CR1: variants seen among roughly 807,000 people sequenced by gnomAD.
The protein encoded by CR1 is complement receptor type 1.
A neutral mutation model predicts 187.3 loss-of-function variants in CR1; 116 were observed. That is an observed-to-expected ratio of 0.62 (90% CI 0.53 to 0.72). The LOEUF (loss-of-function observed/expected upper bound fraction) is 0.72. Ranked by LOEUF, CR1 falls within the 30% of genes least tolerant of loss-of-function variation. The pLI is 0.00. For missense variants in CR1, 1,731 were observed against 2,110.7 expected (o/e 0.82, Z 3.52); for synonymous variants, 576 against 747.1 (o/e 0.77, Z 3.73).
At position 207,498,877 on chromosome 1, in the gene CR1, C is replaced by A. The variant is rs369498391; in HGVS notation, c.121+2489C>A. Among the ~76,000 whole-genome samples the A allele has an allele frequency of 3.4e-3, 169 of 50,044 alleles. 1 individual carries two copies. The South Asian group carries it at 0.034, about 10-fold the overall frequency. 32.8% of individuals were successfully genotyped at this position (50,044 alleles called of 152,430 possible). On this transcript the variant is annotated intron_variant, in intron 1 of 46. Transcript: ENST00000367049. Reference sequence around the variant, plus strand: ...TGGGTGACAGAGCGCAACTCCAAATCAAAAAAAAAAAAAAAAGAAACAAAC... The same window carrying A: ...TGGGTGACAGAGCGCAACTCCAAATAAAAAAAAAAAAAAAAAGAAACAAAC...
intron 5 of CR1, among the ~76,000 whole-genome samples, chr1:207,526,267 C>A (rs1660167658): frequency 6.6e-6 from 1 of 151,920 alleles, no homozygotes; most frequent in African/African-American, 2.4e-5. Flanking sequence ...AGGAGATGAG[C>A]ATAGATGTAT....
chr1:207,580,665 T>C, intron 31 of CR1, 52 bp downstream of exon 31: 3 of 1,503,540 alleles, frequency 2.0e-6, no homozygotes, highest in Non-Finnish European at 2.8e-6. Flanking sequence ...AGAGTGACTC[T>C]TGAGCTTAAG....
rs199540863 is a variant in CR1 at position 207,580,326 on chromosome 1, A to G, written c.5023A>G (p.Ser1675Gly). The change falls in exon 30 of 47, where the codon AGC becomes GGC. Residue 1675 changes from serine (S) to glycine (G), a missense_variant. Transcript: ENST00000367049. ...NFSPGQEVFY[S>G]CEPGYDLRGA... ...TTCACCTGGGCAGGAAGTGTTCTAC[A>G]GCTGTGAGCCTGGCTATGACCTCAG... 16 of 1,613,910 alleles carry G rather than the reference A, an allele frequency of 9.9e-6. No individual in the cohort carries two copies. Among genetic ancestry groups the G allele is most frequent in the Non-Finnish European group, 1.4e-5 (16 of 1,179,870 alleles).
At chr1:207,605,302 AAAATTGCTAGAAGAGTAGATTTT>A (rs1156587911) in intron 35 of CR1, among the ~76,000 whole-genome samples, 1 of 151,266 alleles carries the variant, frequency 6.6e-6, no homozygotes, top group African/African-American at 2.4e-5. Context: ...AAAGGGAAAA[AAAATTGCTAGAAGAGTAGATTTT>A]AAATATTCTC....
At chr1:207,503,504 C>T (rs1461321440) in intron 1 of CR1, among the ~76,000 whole-genome samples, 1 of 152,132 alleles carries the variant, frequency 6.6e-6, no homozygotes, top group African/African-American at 2.4e-5. Flanking sequence ...TTTCCAGCTT[C>T]CAGGGGCTGC....
intron 29 of CR1, among the ~76,000 whole-genome samples, chr1:207,579,519 T>C (rs1238741602): frequency 6.6e-6 from 1 of 152,168 alleles, no homozygotes; most frequent in African/African-American, 2.4e-5. Flanking sequence ...TGAAAGCAAT[T>C]GCTAGCTGCC....
intron 1 of CR1, among the ~76,000 whole-genome samples, chr1:207,499,711 G>A (rs1659207101): frequency 6.6e-6 from 1 of 152,194 alleles, no homozygotes. Context: ...TCCTCATATA[G>A]GATCTGGTTT....
chr1:207,585,030 T>A (rs1661072024), intron 33 of CR1, among the ~76,000 whole-genome samples, 154 bp downstream of exon 33: 1 of 152,076 alleles, frequency 6.6e-6, no homozygotes, highest in Non-Finnish European at 1.5e-5. Flanking sequence ...AACAGATGGG[T>A]TTCAGCAGCG....
At chr1:207,582,277 C>T (rs1660981031) in intron 32 of CR1, among the ~76,000 whole-genome samples, 1 of 152,108 alleles carries the variant, frequency 6.6e-6, no homozygotes, top group East Asian at 1.9e-4. Flanking sequence ...AGATGCTAGG[C>T]TAAATTTTTC....
chr1:207,636,188 CA>C (rs1171627233), intron 46 of CR1, among the ~76,000 whole-genome samples: 1 of 152,026 alleles, frequency 6.6e-6, no homozygotes, highest in East Asian at 1.9e-4. Context: ...AACAGGCACA[CA>C]AGGATTAATA....
intron 35 of CR1, among the ~76,000 whole-genome samples, chr1:207,602,254 A>G (rs1301346069): frequency 6.6e-6 from 1 of 152,186 alleles, no homozygotes; most frequent in African/African-American, 2.4e-5. Context: ...CCAAGTATTA[A>G]TATTATTTAA....
At chr1:207,582,080 A>G (rs371276314) in intron 32 of CR1, 77 bp downstream of exon 32, 72 of 1,054,160 alleles carry the variant, frequency 6.8e-5, no homozygotes, top group Non-Finnish European at 9.6e-5. Context: ...GGGATTATCT[A>G]TTGTTTGTCC....
intron 23 of CR1, 110 bp from the exon 24 acceptor site, chr1:207,565,728 T>G: frequency 6.9e-7 from 1 of 1,442,784 alleles, no homozygotes; most frequent in Non-Finnish European, 9.7e-7. Flanking sequence ...CTCTGCCATC[T>G]GCTGGCCTCA....
chr1:207,538,102 A>G lies in CR1; in HGVS notation c.1752-1879A>G, dbSNP rs1179881580. Among the ~76,000 whole-genome samples the G allele has an allele frequency of 2.6e-4, 5 of 18,874 alleles. 2 individuals are homozygous for G. Among genetic ancestry groups the G allele is most frequent in the African/African-American group, 2.1e-3 (5 of 2,336 alleles). The allele number at this position is 18,874 out of a possible 152,430, so 12.4% of individuals were successfully genotyped here. On this transcript the variant is annotated intron_variant, in intron 11 of 46. Transcript: ENST00000367049. ...TACATGTGATCTATATCATATATATATATATATATATATATATATATCACA... is the reference window on the plus strand; with the variant it reads ...TACATGTGATCTATATCATATATATGTATATATATATATATATATATCACA...
chr1:207,525,985 A>G (rs773242272), intron 5 of CR1, among the ~76,000 whole-genome samples: 1 of 152,126 alleles, frequency 6.6e-6, no homozygotes, highest in Admixed American at 6.5e-5. Flanking sequence ...TAACAGTTTT[A>G]TGTAATTTAG....
chr1:207,622,131 G>C, intron 44 of CR1, 135 bp downstream of exon 44: 1 of 557,002 alleles, frequency 1.8e-6, no homozygotes, highest in Non-Finnish European at 3.0e-6. Context: ...TCAGTTGTAA[G>C]TTCAACTAGA....
At chr1:207,590,445 G>A (rs777337645) in intron 35 of CR1, among the ~76,000 whole-genome samples, 1 of 152,108 alleles carries the variant, frequency 6.6e-6, no homozygotes, top group Non-Finnish European at 1.5e-5. Context: ...TGCCTTACAA[G>A]GGCTCCTGAA....
rs1485631822 is a variant in CR1, at chr1:207,523,991, C to T, written c.868C>T (p.Leu290=). Residue 290 remains leucine (L), a synonymous_variant, in exon 5 of 47, where the codon CTA becomes TTA. Coordinates refer to ENST00000367049, the MANE Select transcript of CR1 (RefSeq NM_000651.6). ...GGCCCTGAACAAATGGGAGCCGGAG[C>T]TACCAAGCTGCTCCAGGGGTGAGTC... is the stretch of plus-strand genomic sequence containing the variant. ...CQALNKWEPE[L]PSCSRVCQPP... The T allele has an allele frequency of 4.3e-6, 7 of 1,611,758 alleles. No homozygotes were observed. The highest frequency in any genetic ancestry group is 5.9e-6 in the Non-Finnish European group (7 of 1,179,706).
chr1:207,501,266 G>A (rs550361339), intron 1 of CR1, among the ~76,000 whole-genome samples: 10 of 152,352 alleles, frequency 6.6e-5, no homozygotes, highest in Non-Finnish European at 1.2e-4. Context: ...AGAAGGGCAT[G>A]AGGGAACTCT....
Sources: allele counts gnomAD v4.1 joint callset (sites outside exome capture counted in the v4.1 genomes callset), GRCh38; gene constraint gnomAD v4.1.1; transcripts MANE v1.5; gene names NCBI Gene and HGNC (gene_info 2026-07-23, HGNC 2026-07-21).